DPH6: variants seen among roughly 807,000 people sequenced by gnomAD.
The protein encoded by DPH6 is diphthamine biosynthesis 6.
In DPH6, 33 loss-of-function variants were observed where a neutral mutation model predicts 38.2. That is an observed-to-expected ratio of 0.86 (90% CI 0.65 to 1.15). DPH6 has a LOEUF of 1.15. Ranked by LOEUF, DPH6 falls within the 50% of genes most tolerant of loss-of-function variation. DPH6 has a pLI of 0.00. For synonymous variants in DPH6, 108 were observed against 103.0 expected (o/e 1.05, Z -0.30); for missense variants, 325 against 320.0 (o/e 1.02, Z -0.12).
chr15:35,309,325 G>GA lies in DPH6; in HGVS notation n.200+64195_200+64196insT, dbSNP rs2052120764. On this transcript the variant is annotated intron_variant and non_coding_transcript_variant, in intron 3 of 3. Coordinates refer to the DPH6 transcript ENST00000560386. The stretch of plus-strand genomic sequence containing the variant: ...CAGAGCAAAGGACATGATGAAGTAG[G>GA]TCATTAAGAAAGAGAATATTTAATA... Among the ~76,000 whole-genome samples the GA allele has an allele frequency of 2.0e-5, 3 of 152,244 alleles. No homozygotes were observed. In the South Asian group the frequency reaches 6.2e-4, roughly 32 times the overall value.
intron 3 of DPH6, among the ~76,000 whole-genome samples, chr15:35,309,049 T>C (rs919127115): frequency 2.0e-5 from 3 of 152,202 alleles, no homozygotes; most frequent in African/African-American, 7.2e-5. Flanking sequence ...CTCAGCTAAA[T>C]ATACTTCACA....
intron 3 of DPH6, among the ~76,000 whole-genome samples, chr15:35,497,596 CT>C (rs1305633754): frequency 6.6e-6 from 1 of 152,096 alleles, no homozygotes; most frequent in Non-Finnish European, 1.5e-5. Context: ...AATATACCCT[CT>C]TTTAATCAGT....
intron 3 of DPH6, among the ~76,000 whole-genome samples, chr15:35,355,977 T>G (rs188137197): frequency 1.3e-5 from 2 of 152,348 alleles, no homozygotes; most frequent in Admixed American, 1.3e-4. Context: ...GAGGCTTTGT[T>G]CATTTCTTTT....
intron 3 of DPH6, among the ~76,000 whole-genome samples, chr15:35,528,546 T>G (rs1293152440): frequency 6.6e-6 from 1 of 152,118 alleles, no homozygotes; most frequent in Non-Finnish European, 1.5e-5. Context: ...CCCCTTGGCA[T>G]TCCCCATGTT....
chr15:35,219,734 G>C (rs1377911688), exon 4 of DPH6: 2 of 152,136 alleles, frequency 1.3e-5, no homozygotes, highest in Non-Finnish European at 2.9e-5. Flanking sequence ...CCAGGGAGTA[G>C]CTGTTCAGTT....
At chr15:35,214,029 G>A (rs1029021163), downstream of DPH6, among the ~76,000 whole-genome samples, 3 of 151,704 alleles carry the variant, frequency 2.0e-5, no homozygotes, top group East Asian at 1.9e-4. Context: ...GGAGAATGGC[G>A]TGAACCCGCG....
chr15:35,211,171 A>T, the DPH6 span, among the ~76,000 whole-genome samples: 3 of 152,206 alleles, frequency 2.0e-5, no homozygotes, highest in South Asian at 6.2e-4. Context: ...GAGTAAACAC[A>T]TGAACTATTT....
the DPH6 span, among the ~76,000 whole-genome samples, chr15:35,163,327 A>G: frequency 4.0e-4 from 61 of 151,888 alleles, no homozygotes; most frequent in Non-Finnish European, 7.4e-4. Context: ...CAATTCCAAC[A>G]CTGATATTGA....
In DPH6 at chr15:35,542,410, T is replaced by C; in HGVS notation, c.118+3A>G. ...CAACTTCCCAATAAAGGCATGTACT[T>C]ACCTTGGTTTTCAGCTGGTCTTAGA... On this transcript the variant is annotated splice_donor_region_variant and intron_variant, in intron 2 of 8. Coordinates refer to ENST00000256538, the MANE Select transcript of DPH6 (RefSeq NM_080650.4). 1 of 1,564,364 alleles carries C rather than the reference T, an allele frequency of 6.4e-7. No individual in the cohort carries two copies.
intron 6 of DPH6, among the ~76,000 whole-genome samples, chr15:35,385,819 T>G (rs1425237999): frequency 6.6e-6 from 1 of 152,224 alleles, no homozygotes; most frequent in African/African-American, 2.4e-5. Flanking sequence ...AATTTTCATT[T>G]GTATAAAAGT....
intron 2 of DPH6, among the ~76,000 whole-genome samples, chr15:35,541,308 A>C (rs1490198263): frequency 3.9e-5 from 6 of 152,124 alleles, no homozygotes; most frequent in Non-Finnish European, 5.9e-5. Flanking sequence ...TTCCAGGGCT[A>C]ATCCAAATTA....
At position 35,358,137 on chromosome 15, in the gene DPH6, C is replaced by G. The variant is rs184041695; in HGVS notation, n.207+15384G>C. 7.9e-5 allele frequency among the ~76,000 whole-genome samples: 12 copies of G among 152,202 alleles called. No individual in the cohort carries two copies. In the East Asian group the frequency reaches 2.3e-3, roughly 29 times the overall value. The stretch of plus-strand genomic sequence containing the variant: ...TGGTTGAATACTTTGTCTTTGTGCT[C>G]TGAATTTCTTTCTTCTACTTGTTCA... On this transcript the variant is annotated intron_variant and non_coding_transcript_variant, in intron 3 of 3. Coordinates refer to the DPH6 transcript ENST00000558973.
chr15:35,544,784 AC>A (rs2141579422), intron 1 of DPH6, among the ~76,000 whole-genome samples: 1 of 152,228 alleles, frequency 6.6e-6, no homozygotes, highest in Non-Finnish European at 1.5e-5. Flanking sequence ...AGTGTAACTG[AC>A]TCTACCAATC....
chr15:35,387,565 G>A (rs567305246), intron 6 of DPH6, among the ~76,000 whole-genome samples: 29 of 152,240 alleles, frequency 1.9e-4, no homozygotes, highest in South Asian at 6.2e-4. Flanking sequence ...CACATCCCTT[G>A]TAAGTTGGAT....
At chr15:35,512,297 G>A (rs754281339) in intron 3 of DPH6, among the ~76,000 whole-genome samples, 2 of 152,048 alleles carry the variant, frequency 1.3e-5, no homozygotes, top group Admixed American at 6.6e-5. Flanking sequence ...TAGAAAATAA[G>A]TCAGTTAATA....
chr15:35,194,503 A>G, the DPH6 span, among the ~76,000 whole-genome samples: 1 of 152,324 alleles, frequency 6.6e-6, no homozygotes, highest in East Asian at 1.9e-4. Context: ...TCATCAGAGC[A>G]CACAATAGCT....
intron 3 of DPH6, among the ~76,000 whole-genome samples, chr15:35,509,379 G>C (rs1297729380): frequency 6.6e-6 from 1 of 152,198 alleles, no homozygotes; most frequent in Non-Finnish European, 1.5e-5. Context: ...ACTGCTCTTT[G>C]CGACCTGAAA....
At chr15:35,244,072 C>T (rs1348789417) in intron 3 of DPH6, among the ~76,000 whole-genome samples, 2 of 152,136 alleles carry the variant, frequency 1.3e-5, no homozygotes, top group African/African-American at 4.8e-5. Context: ...GAAGAATAAA[C>T]ATTTTTAGTT....
chr15:35,162,948 T>C, the DPH6 span, among the ~76,000 whole-genome samples: 56 of 152,004 alleles, frequency 3.7e-4, no homozygotes, highest in Admixed American at 9.9e-4. Context: ...ACGCAGACCA[T>C]GTAAACAGAA....
Sources: gnomAD v4.1 joint callset for allele counts (sites outside exome capture counted in the v4.1 genomes callset) on GRCh38, gnomAD v4.1.1 for gene constraint, MANE v1.5 for transcripts, NCBI Gene and HGNC (gene_info 2026-07-23, HGNC 2026-07-21) for gene names.